HS3ST2: variants seen among roughly 807,000 people sequenced by gnomAD.
HS3ST2 encodes the protein heparan sulfate-glucosamine 3-sulfotransferase 2, also known as heparan sulfate glucosamine 3-O-sulfotransferase 2.
A neutral mutation model predicts 26.3 loss-of-function variants in HS3ST2; 17 were observed. That is an observed-to-expected ratio of 0.65 (90% CI 0.44 to 0.97). The LOEUF (loss-of-function observed/expected upper bound fraction) is 0.97. Among genes scored for constraint, HS3ST2 ranks in the 50% least tolerant of loss-of-function variants. The pLI, the probability that HS3ST2 is intolerant of heterozygous loss-of-function variation, is 0.00. For missense variants in HS3ST2, 402 were observed against 501.2 expected, an observed-to-expected ratio of 0.80 and a Z score of 1.89; for synonymous variants, 237 against 219.2, an observed-to-expected ratio of 1.08 and a Z score of -0.72.
rs536962365 is a variant in HS3ST2, at chr16:22,880,832, G to A, written c.486-34112G>A. Among the ~76,000 whole-genome samples, 1,264 of 152,344 alleles carry A rather than the reference G, an allele frequency of 8.3e-3. 14 individuals carry two copies. The highest frequency in any genetic ancestry group is 0.028 in the African/African-American group (1,175 of 41,582). On this transcript the variant is annotated intron_variant, in intron 1 of 1. Transcript: ENST00000261374. ...TCTGGGATCAAGCTGTGAGGATTATGTAACCCAGGTGCCAATAGACACCTT... is the reference window on the plus strand; with the variant it reads ...TCTGGGATCAAGCTGTGAGGATTATATAACCCAGGTGCCAATAGACACCTT...
chr16:22,904,431 G>A (rs150737135), intron 1 of HS3ST2, among the ~76,000 whole-genome samples: 61 of 152,224 alleles, frequency 4.0e-4, no homozygotes, highest in African/African-American at 1.4e-3. Context: ...AACTCTAGAG[G>A]GATGATAGAC....
chr16:22,847,004 G>A (rs1161211299), intron 1 of HS3ST2, among the ~76,000 whole-genome samples: 1 of 152,104 alleles, frequency 6.6e-6, no homozygotes. Context: ...TTTAGGTTAG[G>A]GGTACACGTG....
intron 1 of HS3ST2, among the ~76,000 whole-genome samples, chr16:22,880,495 T>C (rs1901974270): frequency 6.6e-6 from 1 of 152,234 alleles, no homozygotes; most frequent in African/African-American, 2.4e-5. Context: ...ACAACCAATG[T>C]GTACTCTGTC....
In HS3ST2 at chr16:22,883,319, C is replaced by T. The variant is rs186141356; in HGVS notation, c.486-31625C>T. On this transcript the variant is annotated intron_variant, in intron 1 of 1. Transcript: ENST00000261374. ...CTGAGGGTTTAAACCCTTTCAGAGA[C>T]AGCCAGAAAAAATTGGAGAGGCCAG... 1.7e-4 allele frequency among the ~76,000 whole-genome samples: 26 copies of T among 152,278 alleles called. No individual in the cohort carries two copies. The East Asian group carries it at 4.8e-3, about 28-fold the overall frequency.
intron 1 of HS3ST2, among the ~76,000 whole-genome samples, chr16:22,901,585 A>ACT (rs1902282480): frequency 6.6e-6 from 1 of 152,194 alleles, no homozygotes; most frequent in South Asian, 2.1e-4. Context: ...ATATCCTGGG[A>ACT]GTTACCTCCA....
chr16:22,895,248 C>T (rs1420496017), intron 1 of HS3ST2, among the ~76,000 whole-genome samples: 1 of 152,054 alleles, frequency 6.6e-6, no homozygotes, highest in African/African-American at 2.4e-5. Context: ...TGCCACCAGG[C>T]CTGGCTGATT....
At chr16:22,869,155 C>A (rs1901797633) in intron 1 of HS3ST2, among the ~76,000 whole-genome samples, 1 of 152,046 alleles carries the variant, frequency 6.6e-6, no homozygotes, top group South Asian at 2.1e-4. Flanking sequence ...GTAAAACTAG[C>A]CCTCAGAGAC....
chr16:22,830,116 C>T (rs549166335), intron 1 of HS3ST2, among the ~76,000 whole-genome samples: 1 of 150,176 alleles, frequency 6.7e-6, no homozygotes, highest in East Asian at 1.9e-4. Context: ...CCCACAGACT[C>T]GCTGTAGGAT....
chr16:22,842,672 T>C (rs772419956), intron 1 of HS3ST2, among the ~76,000 whole-genome samples: 1 of 152,192 alleles, frequency 6.6e-6, no homozygotes, highest in Non-Finnish European at 1.5e-5. Flanking sequence ...CTTATTTTCT[T>C]TTCCATTCTC....
At chr16:22,848,872 C>G (rs1306409519) in intron 1 of HS3ST2, among the ~76,000 whole-genome samples, 2 of 152,170 alleles carry the variant, frequency 1.3e-5, no homozygotes, top group Admixed American at 6.5e-5. Flanking sequence ...TTTTCTGAGG[C>G]CCTTAGATTG....
intron 1 of HS3ST2, among the ~76,000 whole-genome samples, chr16:22,900,485 C>T (rs191307251): frequency 2.0e-5 from 3 of 152,240 alleles, no homozygotes; most frequent in East Asian, 3.9e-4. Context: ...GTGGTGGGTC[C>T]TGAGCTGGCT....
chr16:22,880,677 A>G (rs956006639), intron 1 of HS3ST2, among the ~76,000 whole-genome samples: 1 of 152,174 alleles, frequency 6.6e-6, no homozygotes, highest in African/African-American at 2.4e-5. Context: ...ACCTGAGCTG[A>G]CCACTCAGGG....
intron 1 of HS3ST2, among the ~76,000 whole-genome samples, chr16:22,899,216 G>T (rs1490290724): frequency 6.6e-6 from 1 of 152,196 alleles, no homozygotes; most frequent in Non-Finnish European, 1.5e-5. Flanking sequence ...ATGGTGGAGG[G>T]TGGGGACTCC....
At position 22,815,081 on chromosome 16, in the gene HS3ST2, G is replaced by T. The variant is rs1339932315; in HGVS notation, c.471G>T (p.Gly157=). The change falls in exon 1 of 2, where the codon GGG becomes GGT. Residue 157 remains glycine, a synonymous_variant. Coordinates refer to ENST00000261374, the MANE Select transcript of HS3ST2 (RefSeq NM_006043.2). ...PHFFDRNYGR[G]LDWYRSLMPR... ...TCTTTGACAGGAACTACGGCCGCGG[G>T]CTGGATTGGTACAGGTAAGGACCAG... The T allele has an allele frequency of 6.2e-7, 1 of 1,613,096 alleles. No homozygotes were observed. Among genetic ancestry groups the T allele is most frequent in the Non-Finnish European group, 8.5e-7 (1 of 1,180,028 alleles).
At chr16:22,845,567 G>A (rs1383230736) in intron 1 of HS3ST2, among the ~76,000 whole-genome samples, 5 of 151,780 alleles carry the variant, frequency 3.3e-5, no homozygotes, top group Admixed American at 3.3e-4. Flanking sequence ...TGGCCAGGCT[G>A]GTCTCGACCT....
In HS3ST2 at chr16:22,915,968, G is replaced by A. The variant is rs532853020; in HGVS notation, c.*406G>A. On this transcript the variant is annotated 3_prime_UTR_variant, in exon 2 of 2. Coordinates refer to ENST00000261374, the MANE Select transcript of HS3ST2 (RefSeq NM_006043.2). ...CCAGGAGTGGCCTTGTTAATTCCAA[G>A]TGGCATGTATCTTCCCTCTGAGCTT... 6.5e-4 allele frequency: 117 copies of A among 179,998 alleles called. No individual in the cohort carries two copies. Among genetic ancestry groups the A allele is most frequent in the African/African-American group, 2.7e-3 (113 of 42,064 alleles). 11.2% of individuals were successfully genotyped at this position (179,998 alleles called of 1,614,324 possible). A position where few individuals can be genotyped will look rare whatever the true frequency, so the allele number is the denominator to read the frequency against.
intron 1 of HS3ST2, among the ~76,000 whole-genome samples, chr16:22,854,384 T>G (rs1901561295): frequency 6.6e-6 from 1 of 152,196 alleles, no homozygotes; most frequent in Admixed American, 6.5e-5. Flanking sequence ...TGATTTATAT[T>G]CTTTTGAAAC....
chr16:22,861,311 T>G (rs1901671632), intron 1 of HS3ST2, among the ~76,000 whole-genome samples: 1 of 151,960 alleles, frequency 6.6e-6, no homozygotes, highest in Non-Finnish European at 1.5e-5. Context: ...CTCTCTACTT[T>G]TGTCTCTGCT....
At chr16:22,901,367 C>CA (rs1055351247) in intron 1 of HS3ST2, among the ~76,000 whole-genome samples, 3 of 152,218 alleles carry the variant, frequency 2.0e-5, no homozygotes, top group Non-Finnish European at 2.9e-5. Flanking sequence ...CAAGGAGCAG[C>CA]AAGTCGGCCT....
Sources: allele counts gnomAD v4.1 joint callset (sites outside exome capture counted in the v4.1 genomes callset), GRCh38; gene constraint gnomAD v4.1.1; transcripts MANE v1.5; gene names NCBI Gene and HGNC (gene_info 2026-07-23, HGNC 2026-07-21).